The following CELF1 variants were observed in gnomAD, a reference collection of about 807,000 sequenced individuals.
CELF1 encodes CUGBP Elav-like family member 1, also known as 50 kDa nuclear polyadenylated RNA-binding protein.
CELF1 carries 10 observed loss-of-function variants against 61.8 expected under a neutral mutation model. The observed-to-expected ratio is 0.16, with a 90% confidence interval of 0.10 to 0.27. CELF1 has a LOEUF of 0.27. Ranked by LOEUF, CELF1 falls within the 10% of genes least tolerant of loss-of-function variation. The probability of loss-of-function intolerance (pLI) is 1.00; values close to 1 mark genes in which losing one functional copy is unlikely to be tolerated. For synonymous variants in CELF1, 236 were observed against 225.1 expected, an observed-to-expected ratio of 1.05 and a Z score of -0.43; for missense variants, 380 against 639.1, an observed-to-expected ratio of 0.59 and a Z score of 4.37.
intron 9 of CELF1, among the ~76,000 whole-genome samples, chr11:47,482,200 G>A (rs1446618284): frequency 4.9e-5 from 7 of 144,238 alleles, no homozygotes; most frequent in Non-Finnish European, 1.1e-4. Context: ...GTGAGACTCC[G>A]TCTCAAAAAA....
At chr11:47,533,252 T>C (rs1437816291) in intron 1 of CELF1, among the ~76,000 whole-genome samples, 2 of 152,166 alleles carry the variant, frequency 1.3e-5, no homozygotes, top group Non-Finnish European at 2.9e-5. Context: ...TTTGGGAAGC[T>C]GAGGCGGGGG....
Position 47,480,089 on chromosome 11 carries a change from C to CTT in CELF1, c.769-1139_769-1138dup, listed in dbSNP as rs972385893. 1.9e-3 allele frequency among the ~76,000 whole-genome samples: 267 copies of CTT among 139,144 alleles called. 1 individual carries two copies. The highest frequency in any genetic ancestry group is 0.011 in the Middle Eastern group (3 of 268). 91.3% of individuals were successfully genotyped at this position (139,144 alleles called of 152,430 possible). Reference sequence around the variant, plus strand: ...CAGTCCACTAGCACCCACGTCTACACTTTTTTTTTTTTTTTTTTGAGACGG... The same window carrying CTT: ...CAGTCCACTAGCACCCACGTCTACACTTTTTTTTTTTTTTTTTTTTGAGACGG... On this transcript the variant is annotated intron_variant, in intron 9 of 14. Coordinates refer to ENST00000687097, the MANE Select transcript of CELF1 (RefSeq NM_001376376.1).
intron 9 of CELF1, among the ~76,000 whole-genome samples, chr11:47,481,102 CTTTTTT>C (rs1187959061): frequency 5.6e-5 from 4 of 71,416 alleles, no homozygotes; most frequent in Non-Finnish European, 9.5e-5. Flanking sequence ...TTTTCTTCTT[CTTTTTT>C]TTTTTTTTTT....
At chr11:47,474,000 G>A (rs1466019299) in intron 13 of CELF1, among the ~76,000 whole-genome samples, 1 of 152,036 alleles carries the variant, frequency 6.6e-6, no homozygotes, top group East Asian at 1.9e-4. Flanking sequence ...TCCGCCTCCC[G>A]GGTTCAAGCA....
chr11:47,563,701 T>C (rs1463605277), intron 2 of CELF1, among the ~76,000 whole-genome samples: 3 of 151,260 alleles, frequency 2.0e-5, no homozygotes, highest in Non-Finnish European at 2.9e-5. Context: ...AAACAAAATA[T>C]AAAAAAAAGA....
At chr11:47,531,694 C>T (rs1395666823) in intron 1 of CELF1, among the ~76,000 whole-genome samples, 1 of 152,196 alleles carries the variant, frequency 6.6e-6, no homozygotes, top group Non-Finnish European at 1.5e-5. Flanking sequence ...CACAAAAACA[C>T]AAAACAATTT....
chr11:47,508,571 A>T (rs1597362006), intron 1 of CELF1, among the ~76,000 whole-genome samples: 1 of 444 alleles, frequency 2.3e-3, no homozygotes, highest in South Asian at 0.12. Flanking sequence ...AATTTCTTTA[A>T]AAAAAAAAAA....
In CELF1 at chr11:47,541,793, CGAAA is replaced by C. The variant is rs1177250671; in HGVS notation, c.-154+11195_-154+11198del. Among the ~76,000 whole-genome samples the C allele has an allele frequency of 8.7e-3, 120 of 13,856 alleles. 15 individuals are homozygous for C. The highest frequency in any genetic ancestry group is 0.015 in the African/African-American group (113 of 7,380). 9.1% of individuals were successfully genotyped at this position (13,856 alleles called of 152,430 possible). A position where few individuals can be genotyped will look rare whatever the true frequency, so the allele number is the denominator to read the frequency against. On this transcript the variant is annotated intron_variant, in intron 1 of 14. Transcript: ENST00000687097. ...ACGAAAGAAAGAACGAAAGAAAGAA[CGAAA>C]GAAAGAAAGAAAGAAAGAAAGAAAG...
At chr11:47,476,668 C>T (rs1344624010) in intron 12 of CELF1, among the ~76,000 whole-genome samples, 178 bp downstream of exon 12, 5 of 152,292 alleles carry the variant, frequency 3.3e-5, no homozygotes, top group Middle Eastern at 3.4e-3. Flanking sequence ...CCTCGTGATT[C>T]GCCCACCTTG....
chr11:47,487,147 G>A lies in CELF1; in HGVS notation c.342+12C>T. 6.3e-7 allele frequency: 1 copy of A among 1,595,914 alleles called. No individual in the cohort carries two copies. Among genetic ancestry groups the A allele is most frequent in the South Asian group, 1.1e-5 (1 of 90,674 alleles). On this transcript the variant is annotated intron_variant, in intron 5 of 14. Coordinates refer to ENST00000687097, the MANE Select transcript of CELF1 (RefSeq NM_001376376.1). ...TTACCACATTTCCATTTACTAGTGG[G>A]AGCTTTCTTACCCCTGGGAGGACTT...
intron 1 of CELF1, among the ~76,000 whole-genome samples, chr11:47,520,823 C>A (rs890013970): frequency 6.6e-6 from 1 of 151,606 alleles, no homozygotes; most frequent in African/African-American, 2.4e-5. Context: ...CGCTCCCCCC[C>A]GACCCAAAAA....
chr11:47,502,657 C>T (rs2094056496), intron 1 of CELF1, among the ~76,000 whole-genome samples: 1 of 152,024 alleles, frequency 6.6e-6, no homozygotes, highest in Admixed American at 6.6e-5. Flanking sequence ...ACGGTGAAAC[C>T]CTGTCTCTAC....
At chr11:47,558,157 G>A (rs1164026318) in intron 2 of CELF1, among the ~76,000 whole-genome samples, 3 of 151,754 alleles carry the variant, frequency 2.0e-5, no homozygotes, top group Non-Finnish European at 4.4e-5. Flanking sequence ...GCGCATGGCC[G>A]GAAAGAAAAC....
At chr11:47,535,950 G>A (rs970277845) in intron 1 of CELF1, among the ~76,000 whole-genome samples, 5 of 152,070 alleles carry the variant, frequency 3.3e-5, no homozygotes, top group African/African-American at 1.2e-4. Context: ...TTTTAGTACA[G>A]ACAGGGTTTC....
chr11:47,486,646 A>C (rs972907976), intron 6 of CELF1, 104 bp downstream of exon 6: 12 of 880,070 alleles, frequency 1.4e-5, no homozygotes, highest in Admixed American at 1.8e-5. Flanking sequence ...GGCCTCAAGC[A>C]ATCCATCTGT....
intron 6 of CELF1, among the ~76,000 whole-genome samples, chr11:47,486,394 G>A (rs1596468842): frequency 6.6e-6 from 1 of 151,632 alleles, no homozygotes; most frequent in African/African-American, 2.4e-5. Flanking sequence ...CCTAAGAACA[G>A]CAAACAAACT....
rs972385893 is a variant in CELF1, at chr11:47,480,089, C to CTTT, written c.769-1140_769-1138dup. 5.6e-3 allele frequency among the ~76,000 whole-genome samples: 785 copies of CTTT among 139,152 alleles called. 13 individuals are homozygous for CTTT. Among genetic ancestry groups the CTTT allele is most frequent in the African/African-American group, 0.019 (722 of 37,608 alleles). The allele number at this position is 139,152 out of a possible 152,430, so 91.3% of individuals were successfully genotyped here. On this transcript the variant is annotated intron_variant, in intron 9 of 14. Transcript: ENST00000687097. ...CAGTCCACTAGCACCCACGTCTACACTTTTTTTTTTTTTTTTTTGAGACGG... is the reference window on the plus strand; with the variant it reads ...CAGTCCACTAGCACCCACGTCTACACTTTTTTTTTTTTTTTTTTTTTGAGACGG...
At chr11:47,520,811 T>C (rs2095847722) in intron 1 of CELF1, among the ~76,000 whole-genome samples, 1 of 151,566 alleles carries the variant, frequency 6.6e-6, no homozygotes, top group African/African-American at 2.4e-5. Flanking sequence ...AATCTCTTCC[T>C]GCGCTCCCCC....
chr11:47,551,542 G>A (rs73461779), intron 1 of CELF1, among the ~76,000 whole-genome samples: 3,176 of 152,288 alleles, frequency 0.021, 69 homozygotes, highest in African/African-American at 0.061. Flanking sequence ...ACTCTTTAAT[G>A]CTAAAACAGA....
Sources: gnomAD v4.1 joint callset for allele counts (sites outside exome capture counted in the v4.1 genomes callset) on GRCh38, gnomAD v4.1.1 for gene constraint, MANE v1.5 for transcripts, NCBI Gene and HGNC (gene_info 2026-07-23, HGNC 2026-07-21) for gene names.